Variants in NPAS2 observed in about 807,000 individuals in gnomAD.
NPAS2 encodes neuronal PAS domain-containing protein 2.
A neutral mutation model predicts 107.5 loss-of-function variants in NPAS2; 23 were observed. That is an observed-to-expected ratio of 0.21 (90% confidence interval 0.15 to 0.30). The LOEUF is 0.30. NPAS2 is among the 10% of genes least tolerant of loss of function. NPAS2 has a pLI of 1.00. For synonymous variants in NPAS2, 403 were observed against 417.5 expected (o/e 0.97, Z 0.42); for missense variants, 756 against 1,043.3 (o/e 0.72, Z 3.79).
intron 1 of NPAS2, among the ~76,000 whole-genome samples, chr2:100,843,135 C>T (rs1677548771): frequency 6.6e-6 from 1 of 151,584 alleles, no homozygotes; most frequent in Admixed American, 6.6e-5. Flanking sequence ...AGGAGGATCG[C>T]TTGAACCCGG....
chr2:100,930,897 A>G (rs898748530), intron 3 of NPAS2, among the ~76,000 whole-genome samples: 1 of 152,230 alleles, frequency 6.6e-6, no homozygotes, highest in Non-Finnish European at 1.5e-5. Flanking sequence ...GTTTGATCCT[A>G]GTGGTCAAAA....
intron 1 of NPAS2, among the ~76,000 whole-genome samples, chr2:100,822,492 A>G (rs928484508): frequency 6.6e-6 from 1 of 152,308 alleles, no homozygotes; most frequent in South Asian, 2.1e-4. Context: ...TTTTTGAACA[A>G]TCTTTCTTAA....
At chr2:100,949,583 C>T (rs1675105043) in intron 7 of NPAS2, 103 bp downstream of exon 7, 2 of 684,410 alleles carry the variant, frequency 2.9e-6, no homozygotes, top group Non-Finnish European at 2.6e-6. Context: ...AGAACGCGTG[C>T]TTTTCACATT....
At chr2:100,987,925 C>A in intron 16 of NPAS2, 154 bp from the exon 17 acceptor site, 1 of 796,688 alleles carries the variant, frequency 1.3e-6, no homozygotes, top group Non-Finnish European at 2.1e-6. Flanking sequence ...CTTGGGGCAT[C>A]ACAGGTGCTC....
Position 100,964,117 on chromosome 2 carries a change from C to G in NPAS2, c.658C>G (p.Leu220Val), listed in dbSNP as rs746290665. The change falls in exon 8 of 21, where the codon CTA (leucine) becomes GTA (valine). Residue 220 changes from leucine to valine, a missense_variant. Physicochemically the swap from Leu to Val is conservative, Grantham distance 32 (BLOSUM62 1). Transcript: ENST00000335681. Reference protein sequence around the residue: ...NTLSRPCRVPLGKEVCFIATV... With the variant: ...NTLSRPCRVPVGKEVCFIATV... ...CCTTTCAAGACCTTGCCGGGTGCCA[C>G]TAGGAAAGGAGGTTTGCTTCATTGC... 3.7e-6 allele frequency: 6 copies of G among 1,614,156 alleles called. No homozygotes were observed. The Admixed American group carries it at 8.3e-5, about 22-fold the overall frequency.
intron 1 of NPAS2, among the ~76,000 whole-genome samples, chr2:100,846,425 T>C (rs1198870377): frequency 1.3e-5 from 2 of 152,220 alleles, no homozygotes; most frequent in Non-Finnish European, 2.9e-5. Flanking sequence ...AGGCATTTCT[T>C]CTCTTGTCTT....
At chr2:100,925,074 A>G in intron 2 of NPAS2, 72 bp from the exon 3 acceptor site, 1 of 1,486,924 alleles carries the variant, frequency 6.7e-7, no homozygotes, top group African/African-American at 1.4e-5. Flanking sequence ...TCTAATAGAA[A>G]GTGCTTTTGT....
chr2:100,831,681 T>G (rs1176963260), intron 1 of NPAS2, among the ~76,000 whole-genome samples: 1 of 152,146 alleles, frequency 6.6e-6, no homozygotes, highest in Non-Finnish European at 1.5e-5. Flanking sequence ...GAGAGAGAGA[T>G]TCATTCACAA....
chr2:100,943,011 C>T (rs1021117201), intron 5 of NPAS2, among the ~76,000 whole-genome samples: 19 of 152,188 alleles, frequency 1.2e-4, no homozygotes, highest in African/African-American at 4.6e-4. Flanking sequence ...AAGGTGCTTC[C>T]ATGAACATCC....
In NPAS2 at chr2:100,820,338, C is replaced by G. The variant is rs1448536787; in HGVS notation, c.-99C>G. On this transcript the variant is annotated 5_prime_UTR_variant, in exon 1 of 21. Coordinates refer to ENST00000335681, the MANE Select transcript of NPAS2 (RefSeq NM_002518.4). This position sits in a 1 kb window ranked among gnomAD's most constrained non-coding sequence, Gnocchi z 5.6. ...GCCGCGCCCGCTCGCCGCCTCGTCT[C>G]CCAGCGGCGGCGGGAGGCGCGTCTC... 6.8e-6 allele frequency: 1 copy of G among 147,770 alleles called. No homozygotes were observed. Among genetic ancestry groups the G allele is most frequent in the African/African-American group, 2.4e-5 (1 of 40,848 alleles). The allele number at this position is 147,770 out of a possible 1,614,324, so 9.2% of individuals were successfully genotyped here. A position where few individuals can be genotyped will look rare whatever the true frequency, so the allele number is the denominator to read the frequency against.
intron 15 of NPAS2, among the ~76,000 whole-genome samples, chr2:100,978,943 T>C (rs1677222167): frequency 6.6e-6 from 1 of 152,166 alleles, no homozygotes; most frequent in South Asian, 2.1e-4. Flanking sequence ...AGCTCTGACT[T>C]CAGTTCCCTC....
At chr2:100,881,209 T>C (rs934538398) in intron 1 of NPAS2, among the ~76,000 whole-genome samples, 1 of 152,214 alleles carries the variant, frequency 6.6e-6, no homozygotes, top group African/African-American at 2.4e-5. Context: ...GGATTTCTGT[T>C]TTAATGACTG....
At chr2:100,930,348 C>T (rs1207751217) in intron 3 of NPAS2, among the ~76,000 whole-genome samples, 1 of 152,184 alleles carries the variant, frequency 6.6e-6, no homozygotes, top group Non-Finnish European at 1.5e-5. Context: ...CTCCATTTTC[C>T]AGGCTTTTAT....
rs1194534141 is a variant in NPAS2 at position 100,954,664 on chromosome 2, C to CAAA, written c.598+5198_598+5200dup. Among the ~76,000 whole-genome samples the CAAA allele has an allele frequency of 8.6e-5, 7 of 81,378 alleles. No individual in the cohort carries two copies. The East Asian group carries it at 1.0e-3, about 12-fold the overall frequency. 53.4% of individuals were successfully genotyped at this position (81,378 alleles called of 152,430 possible). On this transcript the variant is annotated intron_variant, in intron 7 of 20. Coordinates refer to ENST00000335681, the MANE Select transcript of NPAS2 (RefSeq NM_002518.4). ...TGGGTGACATAGTAAAACTGTGTCT[C>CAAA]AAAAAAAAAAAAAAAAGAAAAAAAA...
intron 1 of NPAS2, among the ~76,000 whole-genome samples, chr2:100,892,665 G>A (rs13424894): frequency 0.056 from 8,452 of 152,182 alleles, 757 homozygotes; most frequent in African/African-American, 0.19. Flanking sequence ...GGGATTGCAG[G>A]AGCTGCCGGC....
At chr2:100,949,294 G>A (rs1285401452) in intron 6 of NPAS2, 73 bp from the exon 7 acceptor site, 2 of 863,852 alleles carry the variant, frequency 2.3e-6, no homozygotes, top group African/African-American at 3.3e-5. Flanking sequence ...AGTTTTCACA[G>A]AGACGCTACT....
At chr2:100,994,821 G>C (rs55722221) in intron 20 of NPAS2, 15,350 of 152,510 alleles carry the variant, frequency 0.1, 937 homozygotes, top group Non-Finnish European at 0.14. Context: ...TTTGAGAGCA[G>C]GGGGGTGCTG....
rs1678424553 is a variant in NPAS2, at chr2:100,995,943, T to C, written c.*361T>C. The C allele has an allele frequency of 1.5e-6, 2 of 1,372,300 alleles. No individual in the cohort carries two copies. The highest frequency in any genetic ancestry group is 4.4e-5 in the Admixed American group (2 of 45,146). The allele number at this position is 1,372,300 out of a possible 1,614,324, so 85.0% of individuals were successfully genotyped here. On this transcript the variant is annotated 3_prime_UTR_variant, in exon 21 of 21. Coordinates refer to ENST00000335681, the MANE Select transcript of NPAS2 (RefSeq NM_002518.4). ...TCTAGCCACCTGCGGCCCGCCCATC[T>C]GCGCTAGCTGGCCTTCACGCTCTTG...
chr2:100,972,505 T>C (rs1676646270), intron 12 of NPAS2: 1 of 152,178 alleles, frequency 6.6e-6, no homozygotes, highest in Non-Finnish European at 1.5e-5. Flanking sequence ...AACAGAAGCA[T>C]CTCTCACCCC....
Sources: gnomAD v4.1 joint callset for allele counts (sites outside exome capture counted in the v4.1 genomes callset) on GRCh38, gnomAD v4.1.1 for gene constraint, Gnocchi (gnomAD v3.1) non-coding constraint, MANE v1.5 for transcripts, NCBI Gene and HGNC (gene_info 2026-07-23, HGNC 2026-07-21) for gene names.